PRUNE2: variants seen among roughly 807,000 people sequenced by gnomAD.
PRUNE2 encodes the protein protein prune homolog 2.
PRUNE2 carries 164 observed loss-of-function variants against 252.0 expected under a neutral mutation model. That is an observed-to-expected ratio of 0.65 (90% CI 0.57 to 0.74). The LOEUF is 0.74. Among genes scored for constraint, PRUNE2 ranks in the 30% least tolerant of loss-of-function variants. The pLI, the probability that PRUNE2 is intolerant of heterozygous loss-of-function variation, is 0.00. For missense variants in PRUNE2, 3,495 were observed against 3,711.0 expected, an observed-to-expected ratio of 0.94 and a Z score of 1.51; for synonymous variants, 1,292 against 1,350.2, an observed-to-expected ratio of 0.96 and a Z score of 0.94.
At chr9:76,866,139 C>T (rs2060827306) in intron 1 of PRUNE2, among the ~76,000 whole-genome samples, 1 of 152,182 alleles carries the variant, frequency 6.6e-6, no homozygotes, top group Non-Finnish European at 1.5e-5. Context: ...ACATGCACAT[C>T]CAGCAGGCCC....
intron 17 of PRUNE2, among the ~76,000 whole-genome samples, chr9:76,622,893 T>C (rs1833002292): frequency 6.6e-6 from 1 of 152,244 alleles, no homozygotes; most frequent in East Asian, 1.9e-4. Context: ...CTAAACTTTC[T>C]AAAGCAAAAA....
intron 6 of PRUNE2, among the ~76,000 whole-genome samples, chr9:76,806,132 C>T (rs973450297): frequency 1.3e-5 from 2 of 152,126 alleles, no homozygotes; most frequent in Non-Finnish European, 2.9e-5. Flanking sequence ...ATCAGCATCA[C>T]CAGAGAACTT....
chr9:76,848,453 A>G (rs2059783772), intron 3 of PRUNE2, among the ~76,000 whole-genome samples: 1 of 152,258 alleles, frequency 6.6e-6, no homozygotes, highest in East Asian at 1.9e-4. Flanking sequence ...ACACATGGGC[A>G]GGTTATTTTC....
intron 9 of PRUNE2, among the ~76,000 whole-genome samples, chr9:76,691,231 G>A (rs906985024): frequency 5.9e-5 from 9 of 152,212 alleles, no homozygotes; most frequent in Non-Finnish European, 8.8e-5. Context: ...TCACATCAAA[G>A]AGGGGGCAGT....
At chr9:76,829,903 C>G (rs2058571689) in intron 4 of PRUNE2, among the ~76,000 whole-genome samples, 1 of 151,590 alleles carries the variant, frequency 6.6e-6, no homozygotes, top group African/African-American at 2.4e-5. Flanking sequence ...TTGCCAATCA[C>G]AAAGGAAATA....
At chr9:76,666,764 T>C (rs1036241702) in intron 9 of PRUNE2, among the ~76,000 whole-genome samples, 3 of 152,178 alleles carry the variant, frequency 2.0e-5, no homozygotes, top group African/African-American at 7.2e-5. Context: ...TATCTCTTTG[T>C]CTTGTGTCTT....
At position 76,872,600 on chromosome 9, in the gene PRUNE2, AACACACACAC is replaced by A. The variant is rs71354690; in HGVS notation, c.37-18402_37-18393del. 4.5e-3 allele frequency among the ~76,000 whole-genome samples: 628 copies of A among 139,352 alleles called. 5 individuals are homozygous for A. Among genetic ancestry groups the A allele is most frequent in the African/African-American group, 0.015 (558 of 37,356 alleles). The allele number at this position is 139,352 out of a possible 152,430, so 91.4% of individuals were successfully genotyped here. On this transcript the variant is annotated intron_variant, in intron 1 of 18. Coordinates refer to ENST00000376718, the MANE Select transcript of PRUNE2 (RefSeq NM_015225.3). The stretch of plus-strand genomic sequence containing the variant: ...ACAATTTTACATGATGATTATGGAA[AACACACACAC>A]ACACACACACACACACACACACACA...
intron 4 of PRUNE2, among the ~76,000 whole-genome samples, chr9:76,829,940 A>C (rs1328654677): frequency 6.6e-6 from 1 of 152,204 alleles, no homozygotes; most frequent in Non-Finnish European, 1.5e-5. Flanking sequence ...ACTCTAGAAG[A>C]ATAAACTCAT....
chr9:76,805,821 C>T (rs754488848), intron 6 of PRUNE2, among the ~76,000 whole-genome samples: 3 of 152,144 alleles, frequency 2.0e-5, no homozygotes, highest in African/African-American at 7.2e-5. Flanking sequence ...AAGAACAGGA[C>T]TTTTGAATCA....
intron 9 of PRUNE2, among the ~76,000 whole-genome samples, chr9:76,682,288 A>G (rs1158472545): frequency 2.0e-5 from 3 of 151,422 alleles, no homozygotes; most frequent in Non-Finnish European, 4.4e-5. Context: ...ATATATAAAA[A>G]TAGAATTATA....
rs775619438 is a variant in PRUNE2, at chr9:76,706,732, G to A, written c.5542C>T (p.Leu1848=). The change falls in exon 8 of 19, where the codon CTG becomes TTG. Residue 1848 remains leucine (L), a synonymous_variant. Transcript: ENST00000376718. Reference sequence around the variant, plus strand: ...TCCAACACACCACTGGAGTCAGACAGCTCCCTTTCAAATGGACTTTCAATT... The same window carrying A: ...TCCAACACACCACTGGAGTCAGACAACTCCCTTTCAAATGGACTTTCAATT... ...RLIESPFERE[L]SDSSGVLEIN... The A allele has an allele frequency of 1.7e-5, 27 of 1,612,926 alleles. No individual in the cohort carries two copies. The East Asian group carries it at 5.8e-4, about 35-fold the overall frequency.
In PRUNE2 at chr9:76,869,398, CTG is replaced by C. The variant is rs1286084067; in HGVS notation, c.37-15192_37-15191del. Among the ~76,000 whole-genome samples the C allele has an allele frequency of 5.3e-5, 8 of 152,322 alleles. No individual in the cohort carries two copies. The East Asian group carries it at 1.5e-3, about 29-fold the overall frequency. ...TTTAATGATGCCATTATTTATTACA[CTG>C]TGTGTTTTTCAGTGACAGAAGAACT... On this transcript the variant is annotated intron_variant, in intron 1 of 18. Coordinates refer to ENST00000376718, the MANE Select transcript of PRUNE2 (RefSeq NM_015225.3).
intron 6 of PRUNE2, among the ~76,000 whole-genome samples, chr9:76,726,260 C>A (rs2135339669): frequency 6.6e-6 from 1 of 152,308 alleles, no homozygotes; most frequent in Non-Finnish European, 1.5e-5. Flanking sequence ...GGAAAGACCA[C>A]AAATCACAGA....
At chr9:76,807,051 T>TGTGTGTGTGTGTGTGC (rs60768420) in intron 6 of PRUNE2, among the ~76,000 whole-genome samples, 3 of 139,456 alleles carry the variant, frequency 2.2e-5, no homozygotes, top group African/African-American at 8.3e-5. Context: ...TGTGTGTGTG[T>TGTGTGTGTGTGTGTGC]GCGCGCGCGC....
chr9:76,631,037 C>T (rs1399819019), intron 15 of PRUNE2, among the ~76,000 whole-genome samples: 1 of 152,158 alleles, frequency 6.6e-6, no homozygotes, highest in African/African-American at 2.4e-5. Flanking sequence ...ATCTTTAATA[C>T]TTTACTTGCA....
At chr9:76,631,715 T>A (rs1336308510) in intron 15 of PRUNE2, among the ~76,000 whole-genome samples, 1 of 152,222 alleles carries the variant, frequency 6.6e-6, no homozygotes, top group Non-Finnish European at 1.5e-5. Context: ...GTGCAGGTTT[T>A]TACATGGGTA....
At chr9:76,647,142 C>T (rs899060678) in intron 11 of PRUNE2, among the ~76,000 whole-genome samples, 2 of 152,224 alleles carry the variant, frequency 1.3e-5, no homozygotes, top group African/African-American at 4.8e-5. Flanking sequence ...TACCACTGCA[C>T]TCCTGTCTGG....
intron 12 of PRUNE2, among the ~76,000 whole-genome samples, chr9:76,643,693 T>C (rs781022185): frequency 3.3e-5 from 5 of 152,246 alleles, no homozygotes; most frequent in Non-Finnish European, 7.3e-5. Context: ...GGCCAGGGAC[T>C]GGCATTCACC....
chr9:76,699,941 A>C (rs975559182), intron 9 of PRUNE2, among the ~76,000 whole-genome samples: 3 of 152,138 alleles, frequency 2.0e-5, no homozygotes, highest in African/African-American at 7.2e-5. Flanking sequence ...CACATCCATC[A>C]CTGTCTTGGG....
Sources: gnomAD v4.1 joint callset for allele counts (sites outside exome capture counted in the v4.1 genomes callset) on GRCh38, gnomAD v4.1.1 for gene constraint, MANE v1.5 for transcripts, NCBI Gene and HGNC (gene_info 2026-07-23, HGNC 2026-07-21) for gene names.